Variants in SPAG16 observed in about 807,000 individuals in gnomAD.
SPAG16 encodes sperm-associated antigen 16 protein.
In SPAG16, 86 loss-of-function variants were observed where a neutral mutation model predicts 80.4. The observed-to-expected ratio is 1.07, with a 90% CI of 0.90 to 1.28. The LOEUF (loss-of-function observed/expected upper bound fraction) is 1.28. Ranked by LOEUF, SPAG16 falls within the 50% of genes most tolerant of loss-of-function variation. SPAG16 has a pLI of 0.00. For synonymous variants in SPAG16, 294 were observed against 265.9 expected (o/e 1.11, Z -1.03); for missense variants, 870 against 765.3 (o/e 1.14, Z -1.61).
At chr2:213,851,015 T>C (rs1321834147) in intron 10 of SPAG16, among the ~76,000 whole-genome samples, 5 of 152,156 alleles carry the variant, frequency 3.3e-5, no homozygotes, top group African/African-American at 1.2e-4. Context: ...AGCTAAAATT[T>C]GACTTTATCC....
intron 12 of SPAG16, among the ~76,000 whole-genome samples, chr2:214,003,547 A>C (rs1452614976): frequency 6.6e-6 from 1 of 152,182 alleles, no homozygotes; most frequent in Admixed American, 6.5e-5. Context: ...CTTCTCTGTT[A>C]ATTGGGGAAA....
intron 10 of SPAG16, among the ~76,000 whole-genome samples, chr2:213,602,061 A>G (rs995842818): frequency 1.3e-5 from 2 of 152,248 alleles, no homozygotes; most frequent in Non-Finnish European, 2.9e-5. Flanking sequence ...CTGATCTGAC[A>G]GGAAGCGGAG....
intron 15 of SPAG16, among the ~76,000 whole-genome samples, chr2:214,185,333 T>C (rs968071646): frequency 1.2e-4 from 18 of 152,102 alleles, no homozygotes; most frequent in Non-Finnish European, 8.8e-5. Flanking sequence ...TGATAATTTA[T>C]GGTTATTGTA....
At chr2:213,358,652 T>C (rs1441494937) in intron 7 of SPAG16, among the ~76,000 whole-genome samples, 1 of 152,158 alleles carries the variant, frequency 6.6e-6, no homozygotes, top group Non-Finnish European at 1.5e-5. Context: ...TAGTTAGCCA[T>C]TCATCTAACC....
chr2:214,108,740 A>T (rs746858457), intron 14 of SPAG16, among the ~76,000 whole-genome samples: 2 of 152,196 alleles, frequency 1.3e-5, no homozygotes, highest in Non-Finnish European at 2.9e-5. Flanking sequence ...CTTTGATTTG[A>T]CAGCTTTTTA....
chr2:213,360,007 A>T (rs1381280752), intron 7 of SPAG16, among the ~76,000 whole-genome samples: 1 of 152,160 alleles, frequency 6.6e-6, no homozygotes, highest in East Asian at 1.9e-4. Flanking sequence ...AATAAAATGG[A>T]GAAGTTAGGA....
intron 10 of SPAG16, among the ~76,000 whole-genome samples, chr2:213,637,623 G>T (rs2062415877): frequency 6.6e-6 from 1 of 152,116 alleles, no homozygotes. Context: ...TCTGCTGCTT[G>T]TTATTGGTCT....
chr2:213,516,809 T>G (rs1575810226), intron 10 of SPAG16, among the ~76,000 whole-genome samples: 1 of 152,168 alleles, frequency 6.6e-6, no homozygotes, highest in Non-Finnish European at 1.5e-5. Context: ...TGAGAAATAC[T>G]TTTTTGGAAA....
intron 15 of SPAG16, among the ~76,000 whole-genome samples, chr2:214,272,522 A>G (rs1299992160): frequency 1.1e-4 from 17 of 152,126 alleles, no homozygotes; most frequent in Non-Finnish European, 5.9e-5. Context: ...ATTCCCACCT[A>G]TGAGTGAGAA....
Position 214,211,702 on chromosome 2 carries a change from G to A in SPAG16, c.1720+62436G>A, listed in dbSNP as rs559319222. Among the ~76,000 whole-genome samples, 14 of 152,268 alleles carry A rather than the reference G, an allele frequency of 9.2e-5. No homozygotes were observed. The South Asian group carries it at 2.5e-3, about 27-fold the overall frequency. ...GCTCCTATCTCCCTAGTGGTCCAAG[G>A]AGTGGTCCAGGCTTGGATCAATTGA... On this transcript the variant is annotated intron_variant, in intron 15 of 15. Coordinates refer to ENST00000331683, the MANE Select transcript of SPAG16 (RefSeq NM_024532.5).
chr2:213,775,539 A>C (rs541042950), intron 10 of SPAG16, among the ~76,000 whole-genome samples: 1 of 152,154 alleles, frequency 6.6e-6, no homozygotes, highest in Admixed American at 6.6e-5. Context: ...CAGTATTGCT[A>C]TCTATAGGCA....
At chr2:214,018,766 A>T (rs1019950967) in intron 13 of SPAG16, among the ~76,000 whole-genome samples, 1 of 152,150 alleles carries the variant, frequency 6.6e-6, no homozygotes, top group Admixed American at 6.6e-5. Context: ...TTTTTTGATG[A>T]AATGTGAAAA....
chr2:214,342,045 A>C (rs1212189196), intron 15 of SPAG16, among the ~76,000 whole-genome samples: 1 of 132,318 alleles, frequency 7.6e-6, no homozygotes, highest in Non-Finnish European at 1.8e-5. Context: ...AATTAGAAAA[A>C]AATGAGAAAC....
chr2:214,172,286 C>T (rs2056897967), intron 15 of SPAG16, among the ~76,000 whole-genome samples: 1 of 151,982 alleles, frequency 6.6e-6, no homozygotes, highest in Non-Finnish European at 1.5e-5. Context: ...TGATGTTCCC[C>T]TTCCTGTGTC....
At chr2:214,362,349 T>G (rs2126072015) in intron 15 of SPAG16, among the ~76,000 whole-genome samples, 1 of 152,024 alleles carries the variant, frequency 6.6e-6, no homozygotes, top group South Asian at 2.1e-4. Context: ...CAAGCCTGAA[T>G]TCCATGTTTA....
At chr2:214,177,916 C>CATATATATATATATATATATACATATAT (rs10622953) in intron 15 of SPAG16, among the ~76,000 whole-genome samples, 23 of 92,196 alleles carry the variant, frequency 2.5e-4, no homozygotes, top group Admixed American at 8.5e-4. Flanking sequence ...TATATATATA[C>CATATATATATATATATATATACATATAT]ATATATATAT....
At chr2:214,391,754 A>T (rs185115568) in intron 15 of SPAG16, among the ~76,000 whole-genome samples, 197 of 152,306 alleles carry the variant, frequency 1.3e-3, no homozygotes, top group African/African-American at 4.5e-3. Flanking sequence ...TCTGGAATTG[A>T]TGTCACCAGC....
At chr2:213,934,073 A>C (rs1050660961) in intron 12 of SPAG16, among the ~76,000 whole-genome samples, 3 of 152,294 alleles carry the variant, frequency 2.0e-5, no homozygotes, top group African/African-American at 7.2e-5. Context: ...AACAAGAAGG[A>C]ACCTACAGTG....
chr2:213,409,858 TA>T (rs1159568148), intron 9 of SPAG16, among the ~76,000 whole-genome samples: 1 of 152,144 alleles, frequency 6.6e-6, no homozygotes, highest in Non-Finnish European at 1.5e-5. Context: ...TCCCCACACT[TA>T]AAAGGTCAAT....
Sources: gnomAD v4.1 joint callset for allele counts (sites outside exome capture counted in the v4.1 genomes callset) on GRCh38, gnomAD v4.1.1 for gene constraint, MANE v1.5 for transcripts, NCBI Gene and HGNC (gene_info 2026-07-23, HGNC 2026-07-21) for gene names.